The following GRIK2 variants were observed in gnomAD, a reference collection of about 807,000 sequenced individuals.
GRIK2 encodes the protein glutamate receptor ionotropic, kainate 2.
Under a neutral mutation model 100.3 loss-of-function variants are expected in GRIK2, and 32 were observed. The observed-to-expected ratio is 0.32, with a 90% CI of 0.24 to 0.43. The LOEUF is 0.43. Among genes scored for constraint, GRIK2 ranks in the 20% least tolerant of loss-of-function variants. The pLI is 1.00. For synonymous variants in GRIK2, 417 were observed against 389.4 expected (o/e 1.07, Z -0.83); for missense variants, 843 against 1,114.9 (o/e 0.76, Z 3.47).
intron 7 of GRIK2, among the ~76,000 whole-genome samples, chr6:101,762,168 GTCTC>G (rs372643035): frequency 1.6e-5 from 2 of 121,872 alleles, no homozygotes; most frequent in East Asian, 2.3e-4. Context: ...CTCTGTCTCT[GTCTC>G]TCTCTCTCTC....
intron 7 of GRIK2, among the ~76,000 whole-genome samples, chr6:101,723,700 A>G (rs1774651170): frequency 6.6e-6 from 1 of 152,020 alleles, no homozygotes; most frequent in Non-Finnish European, 1.5e-5. Flanking sequence ...GTGAAGTCTA[A>G]TAAAACATGT....
intron 2 of GRIK2, among the ~76,000 whole-genome samples, chr6:101,434,594 A>T (rs1732859419): frequency 6.6e-6 from 1 of 152,144 alleles, no homozygotes; most frequent in South Asian, 2.1e-4. Context: ...ATCGAGTTTA[A>T]CAGTTTGAAT....
At chr6:101,835,563 C>G (rs945465289) in intron 10 of GRIK2, among the ~76,000 whole-genome samples, 1 of 149,240 alleles carries the variant, frequency 6.7e-6, no homozygotes, top group Non-Finnish European at 1.5e-5. Flanking sequence ...TTCCATCCCC[C>G]GGGTTCAAGT....
At chr6:101,797,549 A>C (rs1004190705) in intron 7 of GRIK2, among the ~76,000 whole-genome samples, 1 of 149,634 alleles carries the variant, frequency 6.7e-6, no homozygotes. Flanking sequence ...TGTATTTTAG[A>C]TATTCTATTT....
chr6:101,725,576 T>G (rs1001856332), intron 7 of GRIK2, among the ~76,000 whole-genome samples: 1 of 152,076 alleles, frequency 6.6e-6, no homozygotes, highest in Non-Finnish European at 1.5e-5. Flanking sequence ...TCTTTTATGT[T>G]CTTGAGTAAA....
At chr6:101,590,596 G>T (rs1294864946) in intron 2 of GRIK2, among the ~76,000 whole-genome samples, 2 of 151,990 alleles carry the variant, frequency 1.3e-5, no homozygotes, top group African/African-American at 4.8e-5. Flanking sequence ...CTGAAGGGCA[G>T]CTTTCAGCAC....
At chr6:101,791,044 G>A (rs1344897313) in intron 7 of GRIK2, among the ~76,000 whole-genome samples, 7 of 152,024 alleles carry the variant, frequency 4.6e-5, no homozygotes, top group Non-Finnish European at 8.8e-5. Flanking sequence ...CTGTGGGATC[G>A]GTGGTGATAT....
chr6:101,836,660 TA>T (rs200131398), intron 10 of GRIK2, among the ~76,000 whole-genome samples: 2,321 of 39,804 alleles, frequency 0.058, 252 homozygotes, highest in African/African-American at 0.13. Flanking sequence ...TATATATATA[TA>T]TTTTTTTTTT....
At chr6:101,518,504 G>A (rs1414915625) in intron 2 of GRIK2, among the ~76,000 whole-genome samples, 1 of 151,394 alleles carries the variant, frequency 6.6e-6, no homozygotes, top group African/African-American at 2.4e-5. Context: ...TATTGGAGAG[G>A]CAATCAATTT....
intron 7 of GRIK2, among the ~76,000 whole-genome samples, chr6:101,722,562 A>G (rs1474090279): frequency 6.6e-6 from 1 of 152,076 alleles, no homozygotes; most frequent in Non-Finnish European, 1.5e-5. Flanking sequence ...AATGAGCACA[A>G]GATTAGTGAT....
At chr6:102,045,039 G>T (rs1055600655) in intron 15 of GRIK2, among the ~76,000 whole-genome samples, 1 of 151,716 alleles carries the variant, frequency 6.6e-6, no homozygotes, top group South Asian at 2.1e-4. Context: ...TGTCCTAATG[G>T]CAAGGACCAT....
intron 7 of GRIK2, among the ~76,000 whole-genome samples, chr6:101,757,189 C>T (rs1777188066): frequency 6.6e-6 from 1 of 151,990 alleles, no homozygotes; most frequent in Non-Finnish European, 1.5e-5. Flanking sequence ...ATATTAGAGC[C>T]ACTTGTTACA....
chr6:101,777,198 G>A (rs1248673483), intron 7 of GRIK2, among the ~76,000 whole-genome samples: 3 of 152,140 alleles, frequency 2.0e-5, no homozygotes, highest in Non-Finnish European at 2.9e-5. Context: ...ATTGGCTCCC[G>A]ACTGGGTCTG....
At chr6:101,481,735 C>G (rs2749064) in intron 2 of GRIK2, among the ~76,000 whole-genome samples, 22,288 of 152,064 alleles carry the variant, frequency 0.15, 1,659 homozygotes, top group African/African-American at 0.16. Context: ...GGTGTTTTAT[C>G]TAATCAGTGA....
intron 2 of GRIK2, among the ~76,000 whole-genome samples, chr6:101,584,780 G>T (rs1451127618): frequency 6.6e-6 from 1 of 151,960 alleles, no homozygotes; most frequent in Non-Finnish European, 1.5e-5. Flanking sequence ...TAAGTGCAAT[G>T]AGGCATTCGC....
Position 101,511,898 on chromosome 6 carries a change from G to A in GRIK2, c.116-110051G>A, listed in dbSNP as rs114156140. On this transcript the variant is annotated intron_variant, in intron 2 of 16. Coordinates refer to ENST00000369134, the MANE Select transcript of GRIK2 (RefSeq NM_021956.5). ...GAATTGAGTTTATAGAACAATTATT[G>A]GTATTTTCAACTAAGTATTGTTGTA... 6.5e-3 allele frequency among the ~76,000 whole-genome samples: 980 copies of A among 151,922 alleles called. 11 individuals carry two copies. Among genetic ancestry groups the A allele is most frequent in the African/African-American group, 0.022 (925 of 41,480 alleles).
chr6:101,419,473 A>ATAT (rs1776311512), intron 2 of GRIK2, among the ~76,000 whole-genome samples: 1 of 152,200 alleles, frequency 6.6e-6, no homozygotes, highest in Non-Finnish European at 1.5e-5. Context: ...TATAGACCAA[A>ATAT]TATTAACACA....
intron 14 of GRIK2, among the ~76,000 whole-genome samples, chr6:101,978,856 G>A (rs1437992119): frequency 6.6e-6 from 1 of 151,866 alleles, no homozygotes; most frequent in Non-Finnish European, 1.5e-5. Context: ...TGCAGCATAA[G>A]CTGCTGTCTC....
intron 9 of GRIK2, among the ~76,000 whole-genome samples, chr6:101,803,659 CTTTA>C (rs940003627): frequency 2.3e-4 from 35 of 151,778 alleles, no homozygotes; most frequent in African/African-American, 8.2e-4. Flanking sequence ...GATGTTATTA[CTTTA>C]TTTATTTATT....
Sources: gnomAD v4.1 joint callset for allele counts (sites outside exome capture counted in the v4.1 genomes callset) on GRCh38, gnomAD v4.1.1 for gene constraint, MANE v1.5 for transcripts, NCBI Gene and HGNC (gene_info 2026-07-23, HGNC 2026-07-21) for gene names.